SUMF1: variants seen among roughly 807,000 people sequenced by gnomAD.
SUMF1 encodes sulfatase modifying factor 1, also known as formylglycine-generating enzyme.
A neutral mutation model predicts 47.6 loss-of-function variants in SUMF1; 48 were observed. The observed-to-expected ratio is 1.01, with a 90% CI of 0.80 to 1.28. SUMF1 has a LOEUF of 1.28. Among genes scored for constraint, SUMF1 ranks in the 50% most tolerant of loss-of-function variants. The pLI, the probability that SUMF1 is intolerant of heterozygous loss-of-function variation, is 0.00. For synonymous variants in SUMF1, 230 were observed against 192.1 expected (o/e 1.20, Z -1.63); for missense variants, 571 against 485.4 (o/e 1.18, Z -1.66).
chr3:4,396,540 T>G (rs1701044399), intron 7 of SUMF1, among the ~76,000 whole-genome samples: 1 of 152,180 alleles, frequency 6.6e-6, no homozygotes. Context: ...CTGAGTTCCC[T>G]CACTTGTGCT....
intron 8 of SUMF1, among the ~76,000 whole-genome samples, chr3:4,203,996 C>G (rs1553608720): frequency 6.6e-6 from 1 of 151,988 alleles, no homozygotes; most frequent in Non-Finnish European, 1.5e-5. Flanking sequence ...TCTTACTACT[C>G]AAGACATAAG....
At chr3:4,160,001 T>A (rs1817574) in intron 8 of SUMF1, among the ~76,000 whole-genome samples, 46,293 of 151,984 alleles carry the variant, frequency 0.3, 7,285 homozygotes, top group East Asian at 0.4. Flanking sequence ...ATCCTTGACA[T>A]TTGGGAGTTT....
At chr3:4,254,657 T>TC (rs1696901078) in intron 8 of SUMF1, among the ~76,000 whole-genome samples, 1 of 62,408 alleles carries the variant, frequency 1.6e-5, no homozygotes, top group African/African-American at 4.2e-5. Flanking sequence ...CTGAAAGTGA[T>TC]GGGGAGAATG....
intron 8 of SUMF1, among the ~76,000 whole-genome samples, chr3:4,308,194 G>A (rs1698266216): frequency 6.6e-6 from 1 of 152,200 alleles, no homozygotes; most frequent in African/African-American, 2.4e-5. Flanking sequence ...ATGGAGGAAA[G>A]GTATACAGTC....
At chr3:4,314,064 C>A (rs1007546806) in intron 8 of SUMF1, 2 of 490,334 alleles carry the variant, frequency 4.1e-6, no homozygotes, top group Admixed American at 3.7e-5. Context: ...CTCTTTCTTC[C>A]TGCTGGCTGG....
intron 8 of SUMF1, among the ~76,000 whole-genome samples, chr3:4,308,009 A>G (rs188142796): frequency 6.6e-6 from 1 of 152,156 alleles, no homozygotes; most frequent in Non-Finnish European, 1.5e-5. Flanking sequence ...TGCACTCCAG[A>G]CTGGGCAGCA....
chr3:4,296,751 T>C (rs1005466160), intron 8 of SUMF1, among the ~76,000 whole-genome samples: 20 of 152,100 alleles, frequency 1.3e-4, no homozygotes, highest in Non-Finnish European at 7.4e-5. Context: ...GCAAAGTAGC[T>C]AATTATCCAA....
chr3:4,056,543 T>G (rs999533272), intron 9 of SUMF1, among the ~76,000 whole-genome samples: 1 of 151,890 alleles, frequency 6.6e-6, no homozygotes. Flanking sequence ...TGTGGTAGCA[T>G]GCTAATTGGG....
chr3:4,204,570 G>A (rs960579896), intron 8 of SUMF1, among the ~76,000 whole-genome samples: 1 of 151,960 alleles, frequency 6.6e-6, no homozygotes, highest in African/African-American at 2.4e-5. Flanking sequence ...AAATTTTATG[G>A]TCCAATCTTT....
chr3:4,278,792 C>T (rs576704353), intron 8 of SUMF1, among the ~76,000 whole-genome samples: 2 of 152,114 alleles, frequency 1.3e-5, no homozygotes, highest in East Asian at 1.9e-4. Flanking sequence ...AAAGAAACCC[C>T]GGGTTCACTT....
chr3:4,207,052 A>G (rs893081025), intron 8 of SUMF1, among the ~76,000 whole-genome samples: 11 of 152,172 alleles, frequency 7.2e-5, no homozygotes, highest in African/African-American at 2.6e-4. Context: ...AGTTTTTATT[A>G]TATAGTTCTT....
At position 4,362,165 on chromosome 3, in the gene SUMF1, G is replaced by A. The variant is rs1428844894; in HGVS notation, c.1104C>T (p.Asp368=). 1 of 1,614,174 alleles carries A rather than the reference G, an allele frequency of 6.2e-7. No homozygotes were observed. Among genetic ancestry groups the A allele is most frequent in the South Asian group, 1.1e-5 (1 of 91,082 alleles). The change falls in exon 9 of 9, where the codon GAC becomes GAT. Residue 368 remains aspartate, a synonymous_variant. Transcript: ENST00000272902. ...ASNLGFRCAA[D]RLPTMD ...GTTGTCAGTCCATAGTGGGCAGGCG[G>A]TCGGCTGCACAGCGGAATCCCAGAT...
At chr3:4,435,752 G>T (rs1327091530) in intron 3 of SUMF1, among the ~76,000 whole-genome samples, 1 of 152,178 alleles carries the variant, frequency 6.6e-6, no homozygotes, top group Non-Finnish European at 1.5e-5. Flanking sequence ...AGTGATGAAA[G>T]AAAGGACCTG....
chr3:4,364,703 G>GT (rs1251308378), intron 8 of SUMF1, among the ~76,000 whole-genome samples: 10 of 150,074 alleles, frequency 6.7e-5, no homozygotes, highest in Admixed American at 1.3e-4. Context: ...TTTTTGAAGG[G>GT]TTTTTTGTGT....
At chr3:4,416,479 A>G (rs1376996205) in intron 6 of SUMF1, among the ~76,000 whole-genome samples, 1 of 151,342 alleles carries the variant, frequency 6.6e-6, no homozygotes, top group Non-Finnish European at 1.5e-5. Flanking sequence ...AGTCTTACCT[A>G]AATGCAATAT....
intron 8 of SUMF1, among the ~76,000 whole-genome samples, chr3:4,349,357 G>C (rs367642347): frequency 7.2e-5 from 11 of 152,368 alleles, no homozygotes; most frequent in Admixed American, 2.6e-4. Context: ...AGGCTGTGGA[G>C]AAGTAGGAAC....
At chr3:4,396,030 G>C (rs73123376) in intron 7 of SUMF1, among the ~76,000 whole-genome samples, 7,457 of 152,270 alleles carry the variant, frequency 0.049, 543 homozygotes, top group African/African-American at 0.15. Context: ...ATACTTTAGA[G>C]ATTGAAAGGT....
Position 4,158,088 on chromosome 3 carries a change from G to A in SUMF1, c.1015-89343C>T, listed in dbSNP as rs532702292. ...TCAATTCAAAGAGCATCTGCCCTGT[G>A]CCAGGTGTTGTACTTGGCATCCTTT... On this transcript the variant is annotated intron_variant and NMD_transcript_variant, in intron 8 of 12. Transcript: ENST00000448413. Among the ~76,000 whole-genome samples the A allele has an allele frequency of 2.0e-5, 3 of 151,710 alleles. No homozygotes were observed. In the South Asian group the frequency reaches 6.2e-4, roughly 31 times the overall value.
intron 8 of SUMF1, chr3:4,313,146 A>G (rs767316388): frequency 2.5e-5 from 41 of 1,614,080 alleles, no homozygotes; most frequent in Middle Eastern, 3.3e-4. Context: ...TGGTCCAGAA[A>G]GGTCTACAGT....
Sources: gnomAD v4.1 joint callset for allele counts (sites outside exome capture counted in the v4.1 genomes callset) on GRCh38, gnomAD v4.1.1 for gene constraint, MANE v1.5 for transcripts, NCBI Gene and HGNC (gene_info 2026-07-23, HGNC 2026-07-21) for gene names.